Variants in FOSL2 observed in about 807,000 individuals in gnomAD.
The protein encoded by FOSL2 is FOS like 2, AP-1 transcription factor subunit.
In FOSL2, 3 loss-of-function variants were observed where a neutral mutation model predicts 27.7. The ratio of observed to expected loss-of-function variants is 0.11; its 90% CI spans 0.05 to 0.28. The LOEUF is 0.28. Ranked by LOEUF, FOSL2 falls within the 10% of genes least tolerant of loss-of-function variation. The probability of loss-of-function intolerance (pLI) is 1.00; values close to 1 mark genes in which losing one functional copy is unlikely to be tolerated. For missense variants in FOSL2, 333 were observed against 445.1 expected, an observed-to-expected ratio of 0.75 and a Z score of 2.27; for synonymous variants, 179 against 190.1, an observed-to-expected ratio of 0.94 and a Z score of 0.48.
At chr2:28,409,570 A>G (rs924824547) in intron 3 of FOSL2, among the ~76,000 whole-genome samples, 1 of 151,904 alleles carries the variant, frequency 6.6e-6, no homozygotes, top group African/African-American at 2.4e-5. Context: ...CTCCCTTCAG[A>G]GCCTGGCCCT....
chr2:28,410,954 G>C (rs942514026), intron 3 of FOSL2, among the ~76,000 whole-genome samples: 3 of 152,170 alleles, frequency 2.0e-5, no homozygotes, highest in Non-Finnish European at 4.4e-5. Context: ...TTCAAGACCA[G>C]CCTGGTCGAT....
intron 1 of FOSL2, among the ~76,000 whole-genome samples, chr2:28,402,781 C>T (rs1240017047): frequency 6.6e-6 from 1 of 152,210 alleles, no homozygotes; most frequent in Non-Finnish European, 1.5e-5. Context: ...TGTTCAGGGG[C>T]TCTGGCCTCT....
chr2:28,395,412 C>G (rs1469816397), intron 1 of FOSL2: 1 of 152,240 alleles, frequency 6.6e-6, no homozygotes, highest in East Asian at 1.9e-4. Context: ...GTATTACAAT[C>G]TCACTGCCTG....
intron 1 of FOSL2, among the ~76,000 whole-genome samples, chr2:28,400,826 G>C (rs1379230792): frequency 1.3e-5 from 2 of 152,176 alleles, no homozygotes; most frequent in Non-Finnish European, 2.9e-5. Flanking sequence ...GGGGCTAATA[G>C]GCATCCACTT....
At chr2:28,402,571 G>A (rs565733699) in intron 1 of FOSL2, among the ~76,000 whole-genome samples, 2 of 152,230 alleles carry the variant, frequency 1.3e-5, no homozygotes, top group Non-Finnish European at 2.9e-5. Flanking sequence ...GACCAGCATA[G>A]GGAGGGTTCT....
chr2:28,410,189 G>C (rs1664162673), intron 3 of FOSL2, among the ~76,000 whole-genome samples: 1 of 152,214 alleles, frequency 6.6e-6, no homozygotes, highest in South Asian at 2.1e-4. Context: ...GGAGGTGTTA[G>C]AGCCGGGGAG....
In FOSL2 at chr2:28,413,990, C is replaced by T; in HGVS notation, c.*1542C>T. On this transcript the variant is annotated 3_prime_UTR_variant, in exon 4 of 4. Coordinates refer to ENST00000264716, the MANE Select transcript of FOSL2 (RefSeq NM_005253.4). ...AGCTCAGCAGGGTCCCTGCTGCCCA[C>T]CCCTCTGAGCCTTTTCTCCCCAGGG... 2.5e-6 allele frequency: 1 copy of T among 396,564 alleles called. No homozygotes were observed. Among genetic ancestry groups the T allele is most frequent in the East Asian group, 3.6e-5 (1 of 28,014 alleles). The allele number at this position is 396,564 out of a possible 1,614,324, so 24.6% of individuals were successfully genotyped here.
chr2:28,402,090 C>T (rs895707428), intron 1 of FOSL2, among the ~76,000 whole-genome samples: 8 of 151,882 alleles, frequency 5.3e-5, no homozygotes, highest in Non-Finnish European at 1.0e-4. Flanking sequence ...GCTCTCCTCC[C>T]GAATCCCAGA....
At chr2:28,405,255 C>A (rs987594693) in intron 2 of FOSL2, among the ~76,000 whole-genome samples, 30 of 152,134 alleles carry the variant, frequency 2.0e-4, no homozygotes, top group African/African-American at 6.5e-4. Flanking sequence ...TCAGATGATA[C>A]AAGCAAGGGC....
In FOSL2 at chr2:28,412,790, G is replaced by T. The variant is rs966236128; in HGVS notation, c.*342G>T. On this transcript the variant is annotated 3_prime_UTR_variant, in exon 4 of 4. Coordinates refer to ENST00000264716, the MANE Select transcript of FOSL2 (RefSeq NM_005253.4). This position sits in a 1 kb window ranked among gnomAD's most constrained non-coding sequence, Gnocchi z 7.1. ...ATTCCTGTCCCTTTGTTACCATACTGTCTCTGGAGTGATGGTGTCCTTCCC... is the reference window on the plus strand; with the variant it reads ...ATTCCTGTCCCTTTGTTACCATACTTTCTCTGGAGTGATGGTGTCCTTCCC... 7.6e-6 allele frequency: 2 copies of T among 261,728 alleles called. No individual in the cohort carries two copies. Among genetic ancestry groups the T allele is most frequent in the African/African-American group, 2.1e-5 (1 of 46,636 alleles). The allele number at this position is 261,728 out of a possible 1,614,324, so 16.2% of individuals were successfully genotyped here. A position where few individuals can be genotyped will look rare whatever the true frequency, so the allele number is the denominator to read the frequency against.
rs544259111 is a variant in FOSL2, at chr2:28,408,618, G to A, written c.355-141G>A. The stretch of plus-strand genomic sequence containing the variant: ...GATCCACATGTTCTGGGGCCTCTGA[G>A]TCCAGCCATGCTCCTCTTGCCCTTC... On this transcript the variant is annotated intron_variant, in intron 2 of 3. Coordinates refer to ENST00000264716, the MANE Select transcript of FOSL2 (RefSeq NM_005253.4). The surrounding 1 kb of genome is among the most constrained non-coding windows in gnomAD (Gnocchi z 4.1). 4 of 588,650 alleles carry A rather than the reference G, an allele frequency of 6.8e-6. No homozygotes were observed. Among genetic ancestry groups the A allele is most frequent in the African/African-American group, 5.8e-5 (3 of 51,876 alleles). 36.5% of individuals were successfully genotyped at this position (588,650 alleles called of 1,614,324 possible).
chr2:28,411,303 G>A (rs1161604847), intron 3 of FOSL2, among the ~76,000 whole-genome samples: 2 of 152,214 alleles, frequency 1.3e-5, no homozygotes, highest in African/African-American at 4.8e-5. Flanking sequence ...CCACTCTCTA[G>A]CAGCCTAGGG....
chr2:28,395,066 C>T (rs1663784358), intron 1 of FOSL2, among the ~76,000 whole-genome samples: 2 of 152,188 alleles, frequency 1.3e-5, no homozygotes, highest in African/African-American at 4.8e-5. Context: ...TCTGTCTTCC[C>T]TCTGCCTCCC....
rs530702532 is a variant in FOSL2 at position 28,398,872 on chromosome 2, A to G, written c.102+5050A>G. Among the ~76,000 whole-genome samples, 9 of 152,360 alleles carry G rather than the reference A, an allele frequency of 5.9e-5. No homozygotes were observed. In the East Asian group the frequency reaches 1.7e-3, roughly 29 times the overall value. Reference sequence around the variant, plus strand: ...CCTGTGAAGAATGGTTAAATTCCTTATGGAAGGCTTTGGGGAACATCCCAG... The same window carrying G: ...CCTGTGAAGAATGGTTAAATTCCTTGTGGAAGGCTTTGGGGAACATCCCAG... On this transcript the variant is annotated intron_variant, in intron 1 of 3. Coordinates refer to ENST00000264716, the MANE Select transcript of FOSL2 (RefSeq NM_005253.4).
chr2:28,407,988 A>T (rs551145679), intron 2 of FOSL2, among the ~76,000 whole-genome samples: 1 of 152,346 alleles, frequency 6.6e-6, no homozygotes, highest in South Asian at 2.1e-4. Flanking sequence ...AGCCCGTAGA[A>T]CTTCATCTTG....
At position 28,405,908 on chromosome 2, in the gene FOSL2, G is replaced by A. The variant is rs1174639592; in HGVS notation, c.354+1550G>A. 3.9e-5 allele frequency among the ~76,000 whole-genome samples: 6 copies of A among 152,248 alleles called. No individual in the cohort carries two copies. The Middle Eastern group carries it at 0.01, about 259-fold the overall frequency. Reference sequence around the variant, plus strand: ...AGGCTTCCTTCACGGAATCCAAGGTGCAAAGCCTTATACTCACTGATGAGC... The same window carrying A: ...AGGCTTCCTTCACGGAATCCAAGGTACAAAGCCTTATACTCACTGATGAGC... On this transcript the variant is annotated intron_variant, in intron 2 of 3. Transcript: ENST00000264716.
At position 28,399,732 on chromosome 2, in the gene FOSL2, G is replaced by A. The variant is rs552500740; in HGVS notation, c.103-4375G>A. Among the ~76,000 whole-genome samples the A allele has an allele frequency of 5.9e-5, 9 of 152,244 alleles. No homozygotes were observed. In the South Asian group the frequency reaches 8.3e-4, roughly 14 times the overall value. On this transcript the variant is annotated intron_variant, in intron 1 of 3. Transcript: ENST00000264716. ...TTGCTTTCTTATTTCCTCTGTATTC[G>A]TTTCCCTCCAACCTGAGCATGGGAG...
rs764133183 is a variant in FOSL2 at position 28,412,515 on chromosome 2, C to A, written c.*67C>A. On this transcript the variant is annotated 3_prime_UTR_variant, in exon 4 of 4. Coordinates refer to ENST00000264716, the MANE Select transcript of FOSL2 (RefSeq NM_005253.4). The surrounding 1 kb of genome is among the most constrained non-coding windows in gnomAD (Gnocchi z 7.1). ...CGCTCCTCCTTCCCAGGGACCAGCA[C>A]CTTCAAGCGCTCCAGGGCCGTGAGG... The A allele has an allele frequency of 2.6e-6, 4 of 1,544,202 alleles. No homozygotes were observed. The highest frequency in any genetic ancestry group is 2.6e-6 in the Non-Finnish European group (3 of 1,145,256).
At position 28,414,015 on chromosome 2, in the gene FOSL2, G is replaced by T. The variant is rs2148103979; in HGVS notation, c.*1567G>T. ...CCCCTCTGAGCCTTTTCTCCCCAGG[G>T]TATGGCTCCTGCTGAGTTTCTTGTC... On this transcript the variant is annotated 3_prime_UTR_variant, in exon 4 of 4. Coordinates refer to ENST00000264716, the MANE Select transcript of FOSL2 (RefSeq NM_005253.4). 3 of 394,734 alleles carry T rather than the reference G, an allele frequency of 7.6e-6. No homozygotes were observed. The East Asian group carries it at 1.1e-4, about 14-fold the overall frequency. The allele number at this position is 394,734 out of a possible 1,614,324, so 24.5% of individuals were successfully genotyped here.
Sources: gnomAD v4.1 joint callset for allele counts (sites outside exome capture counted in the v4.1 genomes callset) on GRCh38, gnomAD v4.1.1 for gene constraint, Gnocchi (gnomAD v3.1) non-coding constraint, MANE v1.5 for transcripts, NCBI Gene and HGNC (gene_info 2026-07-23, HGNC 2026-07-21) for gene names.